PDXDC1: variants seen among roughly 807,000 people sequenced by gnomAD.
PDXDC1 encodes pyridoxal dependent decarboxylase domain containing 1.
A neutral mutation model predicts 100.1 loss-of-function variants in PDXDC1; 42 were observed. That is an observed-to-expected ratio of 0.42 (90% confidence interval 0.33 to 0.54). The LOEUF is 0.54. PDXDC1 is among the 20% of genes least tolerant of loss of function. PDXDC1 has a pLI of 0.10. For synonymous variants in PDXDC1, 260 were observed against 371.7 expected (o/e 0.70, Z 3.46); for missense variants, 636 against 979.2 (o/e 0.65, Z 4.68).
At chr16:15,072,245 CAAAA>C (rs55852324) in intron 16 of PDXDC1, among the ~76,000 whole-genome samples, 24 of 133,442 alleles carry the variant, frequency 1.8e-4, no homozygotes, top group Non-Finnish European at 1.1e-4. Flanking sequence ...TTTCCCCCAC[CAAAA>C]AAAAAAAAAA....
At chr16:14,994,430 G>A (rs373798201) in intron 1 of PDXDC1, among the ~76,000 whole-genome samples, 15 of 152,296 alleles carry the variant, frequency 9.8e-5, no homozygotes, top group East Asian at 3.8e-4. Flanking sequence ...TGTCAGGTTT[G>A]CCAAAGATCA....
chr16:15,033,506 CAA>C (rs772353997), intron 19 of PDXDC1, 107 bp downstream of exon 19: 13 of 1,270,264 alleles, frequency 1.0e-5, no homozygotes, highest in Admixed American at 3.7e-5. Flanking sequence ...CGTTGTCTCT[CAA>C]AGTCTGTCAA....
intron 16 of PDXDC1, chr16:15,136,865 T>C (rs1394323972): frequency 8.4e-6 from 13 of 1,549,752 alleles, no homozygotes; most frequent in South Asian, 2.3e-5. Context: ...CAGCAGACAC[T>C]CACCTCGGGC....
chr16:15,065,329 G>A lies in PDXDC1; in HGVS notation c.1399+35273G>A. 3.1e-6 allele frequency: 5 copies of A among 1,613,744 alleles called. No individual in the cohort carries two copies. The South Asian group carries it at 3.3e-5, about 11-fold the overall frequency. On this transcript the variant is annotated intron_variant, in intron 16 of 16. Transcript: ENST00000535621. ...TAATGACTGGCAGCATCTGGCGATTGTTCCTCTCAATGATGGTGTAGCAGA... is the reference window on the plus strand; with the variant it reads ...TAATGACTGGCAGCATCTGGCGATTATTCCTCTCAATGATGGTGTAGCAGA...
rs560401934 is a variant in PDXDC1, at chr16:14,984,167, A to G, written c.21+8947A>G. Among the ~76,000 whole-genome samples the G allele has an allele frequency of 7.2e-5, 11 of 151,880 alleles. No homozygotes were observed. In the East Asian group the frequency reaches 1.6e-3, roughly 22 times the overall value. ...ACAGAGTGAGACCCTGTCTCAGAAA[A>G]TAAGTCCCCTACCCACCCACCCCAA... On this transcript the variant is annotated intron_variant, in intron 1 of 22. Transcript: ENST00000396410.
chr16:15,140,689 A>G (rs951102302), downstream of PDXDC1, among the ~76,000 whole-genome samples: 4 of 151,920 alleles, frequency 2.6e-5, no homozygotes, highest in Non-Finnish European at 5.9e-5. Flanking sequence ...GGAGCTGGTG[A>G]TGTGGAGGTG....
At chr16:14,978,940 C>T (rs1457929955) in intron 1 of PDXDC1, among the ~76,000 whole-genome samples, 1 of 152,284 alleles carries the variant, frequency 6.6e-6, no homozygotes, top group African/African-American at 2.4e-5. Flanking sequence ...TGTCCCAGAC[C>T]TCTGCTCAGT....
intron 16 of PDXDC1, among the ~76,000 whole-genome samples, chr16:15,111,700 G>C (rs2047073291): frequency 7.6e-6 from 1 of 131,376 alleles, no homozygotes; most frequent in Non-Finnish European, 1.6e-5. Context: ...AGAGGTTGCA[G>C]TGAGCCAAGA....
At chr16:15,044,548 G>T in intron 16 of PDXDC1, 1 of 658,850 alleles carries the variant, frequency 1.5e-6, no homozygotes, top group Non-Finnish European at 2.7e-6. Context: ...CACCGCAAAA[G>T]AAAGTATCGG....
chr16:15,001,728 G>A (rs552920557), intron 3 of PDXDC1, 48 bp from the exon 4 acceptor site: 1 of 1,453,984 alleles, frequency 6.9e-7, no homozygotes, highest in East Asian at 2.7e-5. Flanking sequence ...AGAGTGGCGG[G>A]GGATGTGTGC....
rs1403731053 is a variant in PDXDC1, at chr16:15,026,834, T to G, written c.1204+128T>G. On this transcript the variant is annotated intron_variant, in intron 14 of 22. Coordinates refer to ENST00000396410, the MANE Select transcript of PDXDC1 (RefSeq NM_015027.4). ...ATCTTCAGTCAGCATTTCAGAAAAATGTAATAATTTTCATGAAAACTACAG... is the reference window on the plus strand; with the variant it reads ...ATCTTCAGTCAGCATTTCAGAAAAAGGTAATAATTTTCATGAAAACTACAG... The G allele has an allele frequency of 5.5e-6, 6 of 1,085,088 alleles. No homozygotes were observed. The East Asian group carries it at 7.7e-5, about 14-fold the overall frequency. 67.2% of individuals were successfully genotyped at this position (1,085,088 alleles called of 1,614,324 possible).
intron 3 of PDXDC1, among the ~76,000 whole-genome samples, chr16:15,000,715 C>T (rs993427001): frequency 6.6e-6 from 1 of 152,260 alleles, no homozygotes; most frequent in Non-Finnish European, 1.5e-5. Flanking sequence ...TGTTTTTATA[C>T]TCTAAGCAGA....
chr16:15,102,407 G>A (rs2046587991), intron 16 of PDXDC1, among the ~76,000 whole-genome samples: 1 of 151,988 alleles, frequency 6.6e-6, no homozygotes, highest in African/African-American at 2.4e-5. Context: ...TGCCTGGGCT[G>A]AGGCCTAAGG....
At chr16:15,054,488 G>C (rs372800660) in intron 16 of PDXDC1, among the ~76,000 whole-genome samples, 2 of 152,122 alleles carry the variant, frequency 1.3e-5, no homozygotes, top group African/African-American at 4.8e-5. Flanking sequence ...ATTTTTCCTT[G>C]GTGAGTCCTA....
downstream of PDXDC1, among the ~76,000 whole-genome samples, chr16:15,142,334 G>A (rs532584408): frequency 6.6e-6 from 1 of 152,194 alleles, no homozygotes; most frequent in African/African-American, 2.4e-5. Context: ...CACCGGTTCT[G>A]GCCATGCACT....
At chr16:15,072,937 C>A in intron 16 of PDXDC1, 2 of 1,612,918 alleles carry the variant, frequency 1.2e-6, no homozygotes, top group Non-Finnish European at 1.7e-6. Context: ...ATGTTAATCA[C>A]ATTCTTACTC....
chr16:14,996,438 A>AATATAAT (rs1465407188), intron 1 of PDXDC1: 2 of 250,444 alleles, frequency 8.0e-6, no homozygotes, highest in African/African-American at 4.6e-5. Flanking sequence ...TATTATATGT[A>AATATAAT]ATATAATATA....
Position 15,002,058 on chromosome 16 carries a change from T to C in PDXDC1, c.242+202T>C, listed in dbSNP as rs11865039. ...AGGCATTTATTGAAATTAGATCCCA[T>C]AGTTTTTATGGTATCATGCCTTAGA... is the stretch of plus-strand genomic sequence containing the variant. On this transcript the variant is annotated intron_variant, in intron 4 of 22. Coordinates refer to ENST00000396410, the MANE Select transcript of PDXDC1 (RefSeq NM_015027.4). Among the ~76,000 whole-genome samples, 1,314 of 152,336 alleles carry C rather than the reference T, an allele frequency of 8.6e-3. 17 individuals carry two copies. Among genetic ancestry groups the C allele is most frequent in the African/African-American group, 0.03 (1,245 of 41,534 alleles).
At chr16:15,125,567 G>T in intron 16 of PDXDC1, 1 of 1,546,754 alleles carries the variant, frequency 6.5e-7, no homozygotes, top group Non-Finnish European at 8.9e-7. Flanking sequence ...GAATCATCCA[G>T]AAACAAGTCA....
Sources: allele counts gnomAD v4.1 joint callset (sites outside exome capture counted in the v4.1 genomes callset), GRCh38; gene constraint gnomAD v4.1.1; transcripts MANE v1.5; gene names NCBI Gene and HGNC (gene_info 2026-07-23, HGNC 2026-07-21).